The following ZNF385D variants were observed in gnomAD, a reference collection of about 807,000 sequenced individuals.
ZNF385D encodes the protein zinc finger protein 385D.
ZNF385D carries 15 observed loss-of-function variants against 35.8 expected under a neutral mutation model. The observed-to-expected ratio is 0.42, with a 90% confidence interval of 0.28 to 0.64. The LOEUF (loss-of-function observed/expected upper bound fraction) is 0.64, where lower values mean the gene tolerates loss of function less well. Among genes scored for constraint, ZNF385D ranks in the 30% least tolerant of loss-of-function variants. The probability of loss-of-function intolerance (pLI) is 0.23; values close to 1 mark genes in which losing one functional copy is unlikely to be tolerated. For synonymous variants in ZNF385D, 212 were observed against 186.8 expected (o/e 1.13, Z -1.10); for missense variants, 474 against 494.6 (o/e 0.96, Z 0.39).
In ZNF385D at chr3:21,495,890, C is replaced by T. The variant is rs577178447; in HGVS notation, c.439+14971G>A. On this transcript the variant is annotated intron_variant, in intron 4 of 7. Transcript: ENST00000281523. Reference sequence around the variant, plus strand: ...TATGACTACTGACCCCACAGAAATACACAAAACCCTCAGAGACTACTATGA... The same window carrying T: ...TATGACTACTGACCCCACAGAAATATACAAAACCCTCAGAGACTACTATGA... 3.9e-5 allele frequency among the ~76,000 whole-genome samples: 6 copies of T among 152,146 alleles called. 1 individual carries two copies. The South Asian group carries it at 1.2e-3, about 32-fold the overall frequency.
chr3:22,167,793 GT>G (rs577634581), intron 3 of ZNF385D, among the ~76,000 whole-genome samples: 110 of 152,228 alleles, frequency 7.2e-4, no homozygotes, highest in Middle Eastern at 6.8e-3. Context: ...CACAATTTTT[GT>G]TTCTTATATC....
chr3:22,190,985 G>A (rs1480763937), intron 2 of ZNF385D, among the ~76,000 whole-genome samples: 3 of 151,884 alleles, frequency 2.0e-5, no homozygotes, highest in Non-Finnish European at 2.9e-5. Context: ...TAAATTACAT[G>A]GCTGTTATTC....
chr3:21,896,359 T>C (rs551840587), intron 3 of ZNF385D, among the ~76,000 whole-genome samples: 2 of 152,218 alleles, frequency 1.3e-5, no homozygotes, highest in South Asian at 2.1e-4. Context: ...ATGGTGTAGA[T>C]ACCAACTTCC....
At chr3:21,890,712 A>G (rs1230665447) in intron 3 of ZNF385D, among the ~76,000 whole-genome samples, 1 of 152,172 alleles carries the variant, frequency 6.6e-6, no homozygotes, top group African/African-American at 2.4e-5. Context: ...TTTCTTAAGG[A>G]AGTAGAGAAA....
chr3:21,937,946 C>T (rs532253359), intron 3 of ZNF385D, among the ~76,000 whole-genome samples: 7 of 152,172 alleles, frequency 4.6e-5, no homozygotes, highest in African/African-American at 1.4e-4. Flanking sequence ...CAAAAAATGT[C>T]TTTCTTGCAA....
intron 2 of ZNF385D, among the ~76,000 whole-genome samples, chr3:22,296,264 T>A (rs1702571219): frequency 6.6e-6 from 1 of 152,164 alleles, no homozygotes; most frequent in Non-Finnish European, 1.5e-5. Flanking sequence ...AGGCAGGGCT[T>A]GGCAGAGACA....
intron 2 of ZNF385D, among the ~76,000 whole-genome samples, chr3:22,201,078 C>A (rs1006723039): frequency 1.3e-5 from 2 of 152,188 alleles, no homozygotes; most frequent in East Asian, 1.9e-4. Flanking sequence ...TAAAGACAGG[C>A]ATAGGAAATC....
At position 21,558,159 on chromosome 3, in the gene ZNF385D, G is replaced by T. The variant is rs374462977; in HGVS notation, c.276+6415C>A. ...GTTTTTCATGTCTCTATCTCCTTCA[G>T]TTCTGCTCTGATCTTAGTTATTTCT... On this transcript the variant is annotated intron_variant, in intron 3 of 7. Transcript: ENST00000281523. 9.9e-5 allele frequency among the ~76,000 whole-genome samples: 14 copies of T among 140,996 alleles called. No individual in the cohort carries two copies. The South Asian group carries it at 2.4e-3, about 24-fold the overall frequency. The allele number at this position is 140,996 out of a possible 152,430, so 92.5% of individuals were successfully genotyped here. A position where few individuals can be genotyped will look rare whatever the true frequency, so the allele number is the denominator to read the frequency against.
intron 3 of ZNF385D, chr3:21,511,694 T>C (rs1218293482): frequency 1.1e-5 from 5 of 456,668 alleles, no homozygotes; most frequent in East Asian, 1.4e-4. Context: ...CAGTCCATTG[T>C]TGGGAGGCTC....
chr3:22,185,014 T>G (rs1470860572), intron 2 of ZNF385D, among the ~76,000 whole-genome samples: 2 of 152,096 alleles, frequency 1.3e-5, no homozygotes, highest in African/African-American at 4.8e-5. Context: ...AAACATGAGT[T>G]TTCTCCCAGA....
intron 3 of ZNF385D, among the ~76,000 whole-genome samples, chr3:21,839,079 T>C (rs1001691663): frequency 6.6e-6 from 1 of 152,118 alleles, no homozygotes; most frequent in Non-Finnish European, 1.5e-5. Context: ...AGATAATCTT[T>C]GATTAACATA....
intron 2 of ZNF385D, among the ~76,000 whole-genome samples, chr3:22,201,540 T>C (rs1038118539): frequency 6.6e-6 from 1 of 151,936 alleles, no homozygotes; most frequent in African/African-American, 2.4e-5. Flanking sequence ...AAGAAAGAAG[T>C]TAGGTTTTCT....
At chr3:21,957,595 C>T (rs1313784340) in intron 3 of ZNF385D, among the ~76,000 whole-genome samples, 3 of 152,086 alleles carry the variant, frequency 2.0e-5, no homozygotes, top group Non-Finnish European at 2.9e-5. Flanking sequence ...CCCCAGAGGA[C>T]ATGCATAAGG....
At chr3:21,866,545 G>C (rs1395514333) in intron 3 of ZNF385D, among the ~76,000 whole-genome samples, 1 of 152,158 alleles carries the variant, frequency 6.6e-6, no homozygotes, top group Non-Finnish European at 1.5e-5. Context: ...TACTCAACTG[G>C]AGCAAGGGCT....
At chr3:22,196,102 C>T (rs1696394295) in intron 2 of ZNF385D, among the ~76,000 whole-genome samples, 1 of 151,952 alleles carries the variant, frequency 6.6e-6, no homozygotes, top group Non-Finnish European at 1.5e-5. Flanking sequence ...TGATGAAATA[C>T]TGTGTACAAT....
At chr3:21,850,263 C>G (rs1208693962) in intron 3 of ZNF385D, among the ~76,000 whole-genome samples, 1 of 152,168 alleles carries the variant, frequency 6.6e-6, no homozygotes, top group South Asian at 2.1e-4. Context: ...GTGGATAATT[C>G]TTTAAACAAT....
chr3:22,141,315 A>T (rs1025386017), intron 3 of ZNF385D, among the ~76,000 whole-genome samples: 1 of 152,212 alleles, frequency 6.6e-6, no homozygotes, highest in Admixed American at 6.5e-5. Context: ...CAAAGAACAT[A>T]TTCTCTTTCT....
At chr3:21,866,898 A>G (rs1347551515) in intron 3 of ZNF385D, among the ~76,000 whole-genome samples, 1 of 152,178 alleles carries the variant, frequency 6.6e-6, no homozygotes, top group Non-Finnish European at 1.5e-5. Context: ...ATTTCTTATC[A>G]GTGCCTATTA....
intron 3 of ZNF385D, among the ~76,000 whole-genome samples, chr3:21,901,258 T>C (rs1408291634): frequency 1.3e-5 from 2 of 152,212 alleles, no homozygotes; most frequent in East Asian, 3.9e-4. Flanking sequence ...ATTACAGGCG[T>C]GAGCCACTTA....
Sources: gnomAD v4.1 joint callset for allele counts (sites outside exome capture counted in the v4.1 genomes callset) on GRCh38, gnomAD v4.1.1 for gene constraint, MANE v1.5 for transcripts, NCBI Gene and HGNC (gene_info 2026-07-23, HGNC 2026-07-21) for gene names.